EPM2A: variants seen among roughly 807,000 people sequenced by gnomAD.
EPM2A encodes EPM2A glucan phosphatase, laforin.
In EPM2A, 21 loss-of-function variants were observed where a neutral mutation model predicts 26.5. The observed-to-expected ratio is 0.79, with a 90% confidence interval of 0.56 to 1.14. The LOEUF is 1.14. EPM2A is among the 50% of genes most tolerant of loss of function. The pLI is 0.00. For synonymous variants in EPM2A, 217 were observed against 177.6 expected (o/e 1.22, Z -1.76); for missense variants, 458 against 440.8 (o/e 1.04, Z -0.35).
chr6:145,466,508 G>A (rs545557143), intron 4 of EPM2A, among the ~76,000 whole-genome samples: 3 of 152,008 alleles, frequency 2.0e-5, no homozygotes, highest in Non-Finnish European at 4.4e-5. Flanking sequence ...TGCTGGAGAG[G>A]ATGTGGAGAA....
intron 2 of EPM2A, among the ~76,000 whole-genome samples, chr6:145,646,182 G>A (rs1777447448): frequency 6.6e-6 from 1 of 152,030 alleles, no homozygotes; most frequent in Non-Finnish European, 1.5e-5. Flanking sequence ...TTGAGATGGA[G>A]TGTTGCTCTG....
chr6:145,586,361 G>T (rs1781196174), intron 2 of EPM2A, among the ~76,000 whole-genome samples: 1 of 151,868 alleles, frequency 6.6e-6, no homozygotes, highest in South Asian at 2.1e-4. Flanking sequence ...TTATCATTAT[G>T]ACCTTAGAAA....
At chr6:145,433,698 T>G (rs556664116) in intron 4 of EPM2A, among the ~76,000 whole-genome samples, 1 of 152,152 alleles carries the variant, frequency 6.6e-6, no homozygotes, top group Non-Finnish European at 1.5e-5. Flanking sequence ...ACAGATCCAA[T>G]TTTTTCCCTC....
chr6:145,465,882 T>C (rs958715711), intron 4 of EPM2A, among the ~76,000 whole-genome samples: 2 of 151,988 alleles, frequency 1.3e-5, no homozygotes, highest in Non-Finnish European at 2.9e-5. Context: ...AAACAAGCAA[T>C]GGGGAAAGGA....
intron 2 of EPM2A, among the ~76,000 whole-genome samples, chr6:145,545,109 A>G (rs1562377183): frequency 6.6e-6 from 1 of 152,118 alleles, no homozygotes; most frequent in African/African-American, 2.4e-5. Context: ...CACCTCTACC[A>G]TTATCATAAT....
chr6:145,430,519 T>C (rs1280770272), intron 4 of EPM2A, among the ~76,000 whole-genome samples: 1 of 151,692 alleles, frequency 6.6e-6, no homozygotes, highest in Non-Finnish European at 1.5e-5. Context: ...GAGAATCGCT[T>C]GAACCTGGAG....
intron 1 of EPM2A, among the ~76,000 whole-genome samples, chr6:145,729,942 T>C (rs189352891): frequency 6.7e-4 from 102 of 152,244 alleles, no homozygotes; most frequent in African/African-American, 2.3e-3. Flanking sequence ...GGGGTGGACT[T>C]CCCCCTTGCT....
intron 2 of EPM2A, among the ~76,000 whole-genome samples, chr6:145,555,685 G>A (rs1027903863): frequency 2.0e-5 from 3 of 152,036 alleles, no homozygotes; most frequent in Non-Finnish European, 2.9e-5. Flanking sequence ...AAATAGTTGT[G>A]TGTGCTTGCA....
At position 145,626,823 on chromosome 6, in the gene EPM2A, G is replaced by C. The variant is rs553202711; in HGVS notation, c.*593C>G. ...TAATTCTACTTTAGTTGTTACACAGGGTTGTTGGGTAGAGAAGGAAGGTGA... is the reference window on the plus strand; with the variant it reads ...TAATTCTACTTTAGTTGTTACACAGCGTTGTTGGGTAGAGAAGGAAGGTGA... On this transcript the variant is annotated 3_prime_UTR_variant, in exon 4 of 4. Transcript: ENST00000367519. The C allele has an allele frequency of 6.1e-6, 6 of 987,346 alleles. No individual in the cohort carries two copies. The African/African-American group carries it at 1.0e-4, about 17-fold the overall frequency. The allele number at this position is 987,346 out of a possible 1,614,324, so 61.2% of individuals were successfully genotyped here.
intron 2 of EPM2A, among the ~76,000 whole-genome samples, chr6:145,606,550 T>C (rs1255277572): frequency 2.0e-5 from 3 of 152,152 alleles, no homozygotes; most frequent in Non-Finnish European, 2.9e-5. Flanking sequence ...TGCTAAAACA[T>C]GAATATTTGC....
intron 1 of EPM2A, among the ~76,000 whole-genome samples, chr6:145,713,706 C>T (rs1775463676): frequency 1.3e-5 from 2 of 152,334 alleles, no homozygotes; most frequent in Admixed American, 6.5e-5. Flanking sequence ...CCATATTCCA[C>T]TTCTGGGTAC....
intron 4 of EPM2A, among the ~76,000 whole-genome samples, chr6:145,439,596 T>G (rs559838128): frequency 6.6e-6 from 1 of 152,362 alleles, no homozygotes; most frequent in Non-Finnish European, 1.5e-5. Flanking sequence ...ATATGCTTGT[T>G]GGCCGCATGT....
chr6:145,489,608 A>T, intron 4 of EPM2A: 1 of 1,156,386 alleles, frequency 8.6e-7, no homozygotes, highest in Non-Finnish European at 1.2e-6. Flanking sequence ...AAGTAAATTT[A>T]AAAATATATT....
At chr6:145,555,619 C>T (rs1206992105) in intron 2 of EPM2A, among the ~76,000 whole-genome samples, 2 of 151,990 alleles carry the variant, frequency 1.3e-5, no homozygotes, top group African/African-American at 4.8e-5. Flanking sequence ...CTCTAAAATT[C>T]CTTTTCTTTC....
chr6:145,513,529 G>T (rs1457974802), intron 2 of EPM2A, among the ~76,000 whole-genome samples: 1 of 152,158 alleles, frequency 6.6e-6, no homozygotes, highest in African/African-American at 2.4e-5. Context: ...ATTAGATCCA[G>T]CAACCTTACT....
chr6:145,472,799 C>T (rs961394431), intron 4 of EPM2A, among the ~76,000 whole-genome samples: 5 of 152,074 alleles, frequency 3.3e-5, no homozygotes, highest in East Asian at 1.9e-4. Context: ...ACAACAAAGG[C>T]GATACCTCTA....
At chr6:145,697,384 A>C (rs954075001) in intron 1 of EPM2A, among the ~76,000 whole-genome samples, 3 of 152,212 alleles carry the variant, frequency 2.0e-5, no homozygotes, top group Non-Finnish European at 4.4e-5. Context: ...GCAGGGCAAG[A>C]TCACAGGACC....
chr6:145,701,897 A>G (rs1781931332), intron 1 of EPM2A, among the ~76,000 whole-genome samples: 1 of 152,142 alleles, frequency 6.6e-6, no homozygotes, highest in Non-Finnish European at 1.5e-5. Flanking sequence ...AAACTTGCCA[A>G]TTGCCACACA....
chr6:145,720,271 T>C (rs930644227), intron 1 of EPM2A, among the ~76,000 whole-genome samples: 8 of 152,292 alleles, frequency 5.3e-5, no homozygotes, highest in South Asian at 2.1e-4. Flanking sequence ...TACTTCTTCA[T>C]TGTAGAGAAA....
Sources: allele counts gnomAD v4.1 joint callset (sites outside exome capture counted in the v4.1 genomes callset), GRCh38; gene constraint gnomAD v4.1.1; transcripts MANE v1.5; gene names NCBI Gene and HGNC (gene_info 2026-07-23, HGNC 2026-07-21).